Variants in ADK observed in about 807,000 individuals in gnomAD.
The protein encoded by ADK is adenosine kinase.
ADK carries 24 observed loss-of-function variants against 44.7 expected under a neutral mutation model. The observed-to-expected ratio is 0.54, with a 90% CI of 0.39 to 0.76. ADK has a LOEUF of 0.76. ADK is among the 30% of genes least tolerant of loss of function. The pLI is 0.00. For synonymous variants in ADK, 128 were observed against 142.6 expected (o/e 0.90, Z 0.73); for missense variants, 321 against 425.1 (o/e 0.76, Z 2.15).
At chr10:74,253,985 A>G (rs1319509402) in intron 3 of ADK, among the ~76,000 whole-genome samples, 1 of 151,938 alleles carries the variant, frequency 6.6e-6, no homozygotes, top group Non-Finnish European at 1.5e-5. Context: ...CGGGCTGGTC[A>G]CGAACTGCTG....
At chr10:74,565,642 G>T (rs564549347) in intron 7 of ADK, among the ~76,000 whole-genome samples, 16 of 147,814 alleles carry the variant, frequency 1.1e-4, no homozygotes, top group Admixed American at 6.9e-4. Context: ...CAGGAGAATC[G>T]CTTGAACCCA....
At chr10:74,553,736 A>G (rs1421704228) in intron 7 of ADK, among the ~76,000 whole-genome samples, 1 of 152,162 alleles carries the variant, frequency 6.6e-6, no homozygotes, top group Non-Finnish European at 1.5e-5. Context: ...GACAGTAGAA[A>G]ACTTTCTGGG....
chr10:74,691,228 G>A (rs1157395995), intron 10 of ADK, among the ~76,000 whole-genome samples: 1 of 152,154 alleles, frequency 6.6e-6, no homozygotes, highest in African/African-American at 2.4e-5. Context: ...ACAAATAATT[G>A]AAAAACCAGA....
At chr10:74,221,426 G>T (rs1160352162) in intron 2 of ADK, among the ~76,000 whole-genome samples, 1 of 152,020 alleles carries the variant, frequency 6.6e-6, no homozygotes, top group African/African-American at 2.4e-5. Flanking sequence ...AATCAATATC[G>T]TGAAAATGGC....
At chr10:74,381,115 C>G (rs1842965236) in intron 4 of ADK, among the ~76,000 whole-genome samples, 1 of 151,944 alleles carries the variant, frequency 6.6e-6, no homozygotes, top group Non-Finnish European at 1.5e-5. Context: ...TAGAATTGTT[C>G]TTTGTCAAGT....
chr10:74,427,702 C>T (rs1007144438), intron 6 of ADK, among the ~76,000 whole-genome samples: 1 of 146,832 alleles, frequency 6.8e-6, no homozygotes, highest in Admixed American at 6.9e-5. Flanking sequence ...GATGTGTGTG[C>T]ATGTATTTTT....
chr10:74,375,100 T>C (rs761543799), intron 4 of ADK, among the ~76,000 whole-genome samples: 1 of 152,152 alleles, frequency 6.6e-6, no homozygotes, highest in Non-Finnish European at 1.5e-5. Context: ...TTGATGATGT[T>C]ATAATTGAGG....
chr10:74,670,394 A>T, intron 10 of ADK, 125 bp downstream of exon 10: 1 of 746,668 alleles, frequency 1.3e-6, no homozygotes. Flanking sequence ...TAACTTCTGA[A>T]GTTCTTTCCA....
At chr10:74,686,763 G>T (rs1855804765) in intron 10 of ADK, among the ~76,000 whole-genome samples, 1 of 152,008 alleles carries the variant, frequency 6.6e-6, no homozygotes, top group Admixed American at 6.6e-5. Flanking sequence ...TGCAACCTCT[G>T]CCTCTCGGGT....
intron 9 of ADK, among the ~76,000 whole-genome samples, chr10:74,664,384 A>G (rs1854871303): frequency 1.3e-5 from 2 of 152,210 alleles, no homozygotes; most frequent in East Asian, 1.9e-4. Context: ...TAAGAAAGCA[A>G]TAACAGTGAT....
chr10:74,560,253 A>G (rs1053371771), intron 7 of ADK, among the ~76,000 whole-genome samples: 8 of 152,066 alleles, frequency 5.3e-5, no homozygotes, highest in African/African-American at 1.7e-4. Context: ...CTTTTTTTGT[A>G]TATGGAACTT....
At chr10:74,203,352 T>C (rs1233774005) in intron 2 of ADK, among the ~76,000 whole-genome samples, 1 of 151,926 alleles carries the variant, frequency 6.6e-6, no homozygotes, top group Non-Finnish European at 1.5e-5. Context: ...TGTGTATGTG[T>C]GTTTTGTTTT....
At chr10:74,668,544 C>T (rs1855055034) in intron 9 of ADK, among the ~76,000 whole-genome samples, 1 of 152,078 alleles carries the variant, frequency 6.6e-6, no homozygotes, top group South Asian at 2.1e-4. Flanking sequence ...CAAGACGAGC[C>T]TGGCCAACAT....
At chr10:74,388,062 C>G (rs1843204984) in intron 4 of ADK, among the ~76,000 whole-genome samples, 1 of 152,152 alleles carries the variant, frequency 6.6e-6, no homozygotes. Context: ...GCATGCGCCA[C>G]TATGCCTGGT....
intron 9 of ADK, among the ~76,000 whole-genome samples, chr10:74,620,723 T>C (rs1852964480): frequency 1.3e-5 from 2 of 152,150 alleles, no homozygotes; most frequent in Non-Finnish European, 2.9e-5. Context: ...CTCTTTTTAA[T>C]GATAGCCATT....
intron 10 of ADK, among the ~76,000 whole-genome samples, chr10:74,671,730 A>G (rs936581720): frequency 1.3e-5 from 2 of 152,182 alleles, no homozygotes; most frequent in East Asian, 3.8e-4. Context: ...TAGTCTAGAA[A>G]CTTTTAAACT....
chr10:74,696,891 T>TTA (rs1002332050), intron 10 of ADK, among the ~76,000 whole-genome samples: 10 of 152,146 alleles, frequency 6.6e-5, no homozygotes, highest in Non-Finnish European at 1.3e-4. Context: ...GCTTCAGGCT[T>TTA]TATATATATG....
intron 9 of ADK, among the ~76,000 whole-genome samples, chr10:74,643,867 C>T (rs950958558): frequency 6.6e-6 from 1 of 152,192 alleles, no homozygotes. Context: ...TGTTCACACA[C>T]CCTTAATCCT....
chr10:74,172,914 A>C (rs1842208674), intron 1 of ADK, among the ~76,000 whole-genome samples: 2 of 151,870 alleles, frequency 1.3e-5, no homozygotes, highest in South Asian at 4.1e-4. Flanking sequence ...CAAAAAAAAA[A>C]AAAAAACGGT....
Sources: gnomAD v4.1 joint callset for allele counts (sites outside exome capture counted in the v4.1 genomes callset) on GRCh38, gnomAD v4.1.1 for gene constraint, MANE v1.5 for transcripts, NCBI Gene and HGNC (gene_info 2026-07-23, HGNC 2026-07-21) for gene names.